EPHA2: variants seen among roughly 807,000 people sequenced by gnomAD.
The protein encoded by EPHA2 is EPH receptor A2.
Under a neutral mutation model 104.9 loss-of-function variants are expected in EPHA2, and 54 were observed. The ratio of observed to expected loss-of-function variants is 0.51; its 90% CI spans 0.41 to 0.65. EPHA2 has a LOEUF of 0.65. Among genes scored for constraint, EPHA2 ranks in the 30% least tolerant of loss-of-function variants. The probability of loss-of-function intolerance (pLI) is 0.00; values close to 1 mark genes in which losing one functional copy is unlikely to be tolerated. For synonymous variants in EPHA2, 560 were observed against 559.1 expected, an observed-to-expected ratio of 1.00 and a Z score of -0.02; for missense variants, 1,117 against 1,369.5, an observed-to-expected ratio of 0.82 and a Z score of 2.91.
At chr1:16,142,525 G>A (rs1380822787) in intron 3 of EPHA2, among the ~76,000 whole-genome samples, 1 of 152,162 alleles carries the variant, frequency 6.6e-6, no homozygotes, top group African/African-American at 2.4e-5. Flanking sequence ...GTTGGTGGGT[G>A]GATGGGTAGA....
At chr1:16,126,437 A>T (rs2024470169) in intron 16 of EPHA2, among the ~76,000 whole-genome samples, 1 of 152,252 alleles carries the variant, frequency 6.6e-6, no homozygotes, top group South Asian at 2.1e-4. Context: ...AGGCTCCGGG[A>T]GCCCCGGCAC....
intron 1 of EPHA2, among the ~76,000 whole-genome samples, chr1:16,153,790 G>C (rs1191408307): frequency 6.6e-6 from 1 of 152,084 alleles, no homozygotes; most frequent in Non-Finnish European, 1.5e-5. Flanking sequence ...GGGGGTAGGT[G>C]AAAAAGGCAC....
chr1:16,129,644 C>T, intron 15 of EPHA2, 55 bp from the exon 16 acceptor site: 2 of 1,558,884 alleles, frequency 1.3e-6, no homozygotes, highest in South Asian at 2.3e-5. Flanking sequence ...CACCCTGGGC[C>T]CTGCACCTGC....
chr1:16,143,133 G>A (rs1407459200), intron 3 of EPHA2, among the ~76,000 whole-genome samples: 1 of 141,546 alleles, frequency 7.1e-6, no homozygotes, highest in Non-Finnish European at 1.5e-5. Context: ...TGGTGGGTTG[G>A]CGGGTAGACG....
chr1:16,147,060 G>A (rs1439824769), intron 3 of EPHA2, among the ~76,000 whole-genome samples: 1 of 152,230 alleles, frequency 6.6e-6, no homozygotes, highest in Non-Finnish European at 1.5e-5. Context: ...TTCCACAAAT[G>A]CTCTGCCTCA....
Position 16,153,663 on chromosome 1 carries a change from T to C in EPHA2, c.85+2185A>G, listed in dbSNP as rs554404152. ...GCAAGGGCTCGGGCCTCCCTCAGTT[T>C]CCCCATTTGTAAAAATGAGGGCAGA... On this transcript the variant is annotated intron_variant, in intron 1 of 16. Coordinates refer to ENST00000358432, the MANE Select transcript of EPHA2 (RefSeq NM_004431.5). Among the ~76,000 whole-genome samples, 75 of 152,270 alleles carry C rather than the reference T, an allele frequency of 4.9e-4. No homozygotes were observed. In the South Asian group the frequency reaches 0.014, roughly 28 times the overall value.
intron 1 of EPHA2, among the ~76,000 whole-genome samples, chr1:16,151,454 C>G (rs1236972317): frequency 3.3e-5 from 5 of 152,220 alleles, no homozygotes; most frequent in African/African-American, 1.2e-4. Flanking sequence ...AGGAAACACA[C>G]CAACCCCACT....
chr1:16,142,474 AATGG>A (rs2024840696), intron 3 of EPHA2, among the ~76,000 whole-genome samples: 1 of 152,164 alleles, frequency 6.6e-6, no homozygotes, highest in African/African-American at 2.4e-5. Flanking sequence ...ATGTTTGCTG[AATGG>A]ATGGACAGAC....
rs1225616054 is a variant in EPHA2 at position 16,135,436 on chromosome 1, C to T, written c.1428+219G>A. Reference sequence around the variant, plus strand: ...CCCAAAATTCTGCCCCTGTCCTCACCCTGACTGCCTCTTCCAAGGACGCCA... The same window carrying T: ...CCCAAAATTCTGCCCCTGTCCTCACTCTGACTGCCTCTTCCAAGGACGCCA... On this transcript the variant is annotated intron_variant, in intron 6 of 16. Coordinates refer to ENST00000358432, the MANE Select transcript of EPHA2 (RefSeq NM_004431.5). This position sits in a 1 kb window ranked among gnomAD's most constrained non-coding sequence, Gnocchi z 4.3. Among the ~76,000 whole-genome samples the T allele has an allele frequency of 1.3e-5, 2 of 152,168 alleles. No individual in the cohort carries two copies. The highest frequency in any genetic ancestry group is 2.9e-5 in the Non-Finnish European group (2 of 68,024).
intron 1 of EPHA2, chr1:16,155,587 G>A: frequency 2.6e-6 from 1 of 387,240 alleles, no homozygotes; most frequent in Non-Finnish European, 4.6e-6. Flanking sequence ...GACTGCAACC[G>A]CGTGGCCTGC....
chr1:16,129,704 T>G (rs1435363506), intron 15 of EPHA2, 115 bp from the exon 16 acceptor site: 11 of 1,365,026 alleles, frequency 8.1e-6, no homozygotes, highest in Non-Finnish European at 6.9e-6. Context: ...CTCCGTCTCC[T>G]TATCTGGGCA....
At chr1:16,152,678 C>T (rs980872157) in intron 1 of EPHA2, among the ~76,000 whole-genome samples, 16 of 152,110 alleles carry the variant, frequency 1.1e-4, no homozygotes, top group African/African-American at 3.9e-4. Flanking sequence ...AGTCCTGCAG[C>T]CCCCCCTTAG....
Position 16,130,780 on chromosome 1 carries a change from C to T in EPHA2, c.2476-361G>A, listed in dbSNP as rs891885271. Among the ~76,000 whole-genome samples the T allele has an allele frequency of 6.6e-6, 1 of 152,122 alleles. No individual in the cohort carries two copies. The highest frequency in any genetic ancestry group is 1.5e-5 in the Non-Finnish European group (1 of 68,024). On this transcript the variant is annotated intron_variant, in intron 14 of 16. Coordinates refer to ENST00000358432, the MANE Select transcript of EPHA2 (RefSeq NM_004431.5). This position sits in a 1 kb window ranked among gnomAD's most constrained non-coding sequence, Gnocchi z 4.5. ...GAGTAGCTGAGACTACAGGCACGTG[C>T]CAACACACTTGGCTAATTTTTTAAT...
rs1173886792 is a variant in EPHA2 at position 16,125,784 on chromosome 1, C to T, written c.2826-464G>A. ...TGCCTTCCCTCCCCTCACCCCTAGT[C>T]TGTTCCCAGTGCCCCCAGCTCAGGC... On this transcript the variant is annotated intron_variant, in intron 16 of 16. Coordinates refer to ENST00000358432, the MANE Select transcript of EPHA2 (RefSeq NM_004431.5). This position sits in a 1 kb window ranked among gnomAD's most constrained non-coding sequence, Gnocchi z 4.9. Among the ~76,000 whole-genome samples the T allele has an allele frequency of 6.6e-6, 1 of 152,044 alleles. No homozygotes were observed. The highest frequency in any genetic ancestry group is 6.5e-5 in the Admixed American group (1 of 15,280).
rs904222797 is a variant in EPHA2 at position 16,142,439 on chromosome 1, C to T, written c.824-4009G>A. Among the ~76,000 whole-genome samples, 12 of 152,312 alleles carry T rather than the reference C, an allele frequency of 7.9e-5. No homozygotes were observed. The East Asian group carries it at 1.2e-3, about 15-fold the overall frequency. On this transcript the variant is annotated intron_variant, in intron 3 of 16. Coordinates refer to ENST00000358432, the MANE Select transcript of EPHA2 (RefSeq NM_004431.5). Reference sequence around the variant, plus strand: ...GGAATGGAGACCAATTTATCTGTGTCCCATGGCCCAGCGGTGCTCAGTTAA... The same window carrying T: ...GGAATGGAGACCAATTTATCTGTGTTCCATGGCCCAGCGGTGCTCAGTTAA...
Position 16,137,840 on chromosome 1 carries a change from C to G in EPHA2, c.1312+13G>C. 1 of 1,613,464 alleles carries G rather than the reference C, an allele frequency of 6.2e-7. No homozygotes were observed. The highest frequency in any genetic ancestry group is 8.5e-7 in the Non-Finnish European group (1 of 1,179,876). On this transcript the variant is annotated intron_variant, in intron 5 of 16. Transcript: ENST00000358432. The stretch of plus-strand genomic sequence containing the variant: ...AGGCCCCATAGGGCACAGCTGCCAC[C>G]CCTGGACCTCACCTGTCTGGTTGAT...
rs2024642884 is a variant in EPHA2 at position 16,134,497 on chromosome 1, C to T, written c.1653G>A (p.Leu551=). The T allele has an allele frequency of 6.2e-7, 1 of 1,614,142 alleles. No individual in the cohort carries two copies. Among genetic ancestry groups the T allele is most frequent in the East Asian group, 2.2e-5 (1 of 44,860 alleles). ...VAVGVVLLLV[L]AGVGFFIHRR... is the part of the protein sequence containing the mutation. ...GGTGGATAAAGAAGCCAACTCCTGC[C>T]AGCACCAGAAGCAGGACCACACCGA... The change falls in exon 8 of 17, where the codon CTG becomes CTA. Residue 551 remains leucine, a synonymous_variant. Coordinates refer to ENST00000358432, the MANE Select transcript of EPHA2 (RefSeq NM_004431.5). This position sits in a 1 kb window ranked among gnomAD's most constrained non-coding sequence, Gnocchi z 4.5.
Position 16,131,636 on chromosome 1 carries a change from T to C in EPHA2, c.2475+85A>G. 2 of 1,575,564 alleles carry C rather than the reference T, an allele frequency of 1.3e-6. No individual in the cohort carries two copies. Among genetic ancestry groups the C allele is most frequent in the South Asian group, 2.2e-5 (2 of 90,054 alleles). ...AGCCTAAGAAGGTTCATCTAAACTG[T>C]CCTCTGCCCAGCCCCTGCAGTTTGA... On this transcript the variant is annotated intron_variant, in intron 14 of 16. Coordinates refer to ENST00000358432, the MANE Select transcript of EPHA2 (RefSeq NM_004431.5). The surrounding 1 kb of genome is among the most constrained non-coding windows in gnomAD (Gnocchi z 5.2).
Position 16,130,488 on chromosome 1 carries a change from A to G in EPHA2, c.2476-69T>C, listed in dbSNP as rs1031381122. The G allele has an allele frequency of 4.1e-6, 6 of 1,446,230 alleles. No homozygotes were observed. The African/African-American group carries it at 5.7e-5, about 14-fold the overall frequency. 89.6% of individuals were successfully genotyped at this position (1,446,230 alleles called of 1,614,324 possible). A position where few individuals can be genotyped will look rare whatever the true frequency, so the allele number is the denominator to read the frequency against. On this transcript the variant is annotated intron_variant, in intron 14 of 16. Transcript: ENST00000358432. This position sits in a 1 kb window ranked among gnomAD's most constrained non-coding sequence, Gnocchi z 4.5. ...TGAAACCCTCTGCAGCCTCCAGCCTATGGAGGTGGGCAGGGGAGGGGAGGG... is the reference window on the plus strand; with the variant it reads ...TGAAACCCTCTGCAGCCTCCAGCCTGTGGAGGTGGGCAGGGGAGGGGAGGG...
Sources: gnomAD v4.1 joint callset for allele counts (sites outside exome capture counted in the v4.1 genomes callset) on GRCh38, gnomAD v4.1.1 for gene constraint, Gnocchi (gnomAD v3.1) non-coding constraint, MANE v1.5 for transcripts, NCBI Gene and HGNC (gene_info 2026-07-23, HGNC 2026-07-21) for gene names.